The following CNTNAP2 variants were observed in gnomAD, a reference collection of about 807,000 sequenced individuals.
CNTNAP2 encodes contactin-associated protein-like 2.
In CNTNAP2, 98 loss-of-function variants were observed where a neutral mutation model predicts 155.2. The observed-to-expected ratio is 0.63, with a 90% CI of 0.54 to 0.75. The LOEUF (loss-of-function observed/expected upper bound fraction) is 0.75, where lower values mean the gene tolerates loss of function less well. Among genes scored for constraint, CNTNAP2 ranks in the 30% least tolerant of loss-of-function variants. The pLI is 0.00. For synonymous variants in CNTNAP2, 651 were observed against 631.2 expected (o/e 1.03, Z -0.47); for missense variants, 1,727 against 1,688.1 (o/e 1.02, Z -0.40).
At chr7:147,294,237 T>G (rs780246866) in intron 8 of CNTNAP2, among the ~76,000 whole-genome samples, 2 of 152,240 alleles carry the variant, frequency 1.3e-5, no homozygotes, top group Non-Finnish European at 2.9e-5. Flanking sequence ...TGTCAAGGCC[T>G]AAGTGAAGAT....
At chr7:147,404,976 T>C (rs1796981437) in intron 10 of CNTNAP2, among the ~76,000 whole-genome samples, 1 of 152,198 alleles carries the variant, frequency 6.6e-6, no homozygotes, top group African/African-American at 2.4e-5. Flanking sequence ...AGAAAAAAGT[T>C]GAATTAGCCA....
chr7:147,734,626 G>T (rs932608702), intron 13 of CNTNAP2, among the ~76,000 whole-genome samples: 1 of 152,174 alleles, frequency 6.6e-6, no homozygotes, highest in Non-Finnish European at 1.5e-5. Flanking sequence ...GTAGAATTTG[G>T]CTGTGAATCT....
intron 1 of CNTNAP2, among the ~76,000 whole-genome samples, chr7:146,746,504 G>C (rs981347954): frequency 1.3e-5 from 2 of 152,016 alleles, no homozygotes; most frequent in African/African-American, 4.8e-5. Flanking sequence ...AGTCTCACAA[G>C]ATTATATTAT....
At chr7:146,723,026 C>G (rs1801366005) in intron 1 of CNTNAP2, among the ~76,000 whole-genome samples, 1 of 151,924 alleles carries the variant, frequency 6.6e-6, no homozygotes, top group Admixed American at 6.6e-5. Context: ...AAAAAATTTT[C>G]TTAATAAACA....
intron 14 of CNTNAP2, among the ~76,000 whole-genome samples, chr7:147,914,199 T>C (rs1022868320): frequency 2.0e-5 from 3 of 151,986 alleles, no homozygotes; most frequent in African/African-American, 4.8e-5. Context: ...AAAAAGCAAG[T>C]TGACAAATAG....
At chr7:147,141,153 T>C (rs1584751403) in intron 8 of CNTNAP2, among the ~76,000 whole-genome samples, 1 of 152,178 alleles carries the variant, frequency 6.6e-6, no homozygotes, top group South Asian at 2.1e-4. Flanking sequence ...GTCATTCTTC[T>C]GGTGACACGA....
chr7:146,453,612 G>A (rs781157513), intron 1 of CNTNAP2, among the ~76,000 whole-genome samples: 5 of 152,070 alleles, frequency 3.3e-5, no homozygotes, highest in Non-Finnish European at 7.4e-5. Flanking sequence ...AATCAATACT[G>A]ACCAAGAAAT....
At chr7:147,919,988 C>T (rs149281293) in intron 14 of CNTNAP2, among the ~76,000 whole-genome samples, 2 of 152,104 alleles carry the variant, frequency 1.3e-5, no homozygotes, top group African/African-American at 4.8e-5. Context: ...AAAAAGACCC[C>T]GTAAAGCTTT....
chr7:146,781,729 G>A (rs981506000), intron 2 of CNTNAP2, among the ~76,000 whole-genome samples: 2 of 152,022 alleles, frequency 1.3e-5, no homozygotes, highest in African/African-American at 4.8e-5. Context: ...CAATTCTCTT[G>A]TCTCTGAGTT....
intron 22 of CNTNAP2, among the ~76,000 whole-genome samples, chr7:148,400,717 C>A (rs921187628): frequency 6.6e-6 from 1 of 152,190 alleles, no homozygotes; most frequent in South Asian, 2.1e-4. Flanking sequence ...CACAGTGGCT[C>A]ACGCCTGTAA....
At chr7:147,697,281 C>CT (rs965254613) in intron 13 of CNTNAP2, among the ~76,000 whole-genome samples, 10 of 152,028 alleles carry the variant, frequency 6.6e-5, no homozygotes, top group Non-Finnish European at 8.8e-5. Context: ...TCTGACATGT[C>CT]TTTTTTTTCC....
In CNTNAP2 at chr7:147,869,092, C is replaced by T. The variant is rs373204715; in HGVS notation, c.2099-34473C>T. On this transcript the variant is annotated intron_variant, in intron 13 of 23. Transcript: ENST00000361727. Reference sequence around the variant, plus strand: ...GCTGCGGACCAGAACTGTTCCTCTTCGGCCGTCTTGGAATGGAGCTCTATC... The same window carrying T: ...GCTGCGGACCAGAACTGTTCCTCTTTGGCCGTCTTGGAATGGAGCTCTATC... 1.3e-3 allele frequency among the ~76,000 whole-genome samples: 191 copies of T among 152,316 alleles called. 3 individuals are homozygous for T. Among genetic ancestry groups the T allele is most frequent in the African/African-American group, 3.9e-3 (164 of 41,566 alleles).
rs796668202 is a variant in CNTNAP2 at position 147,940,235 on chromosome 7, G to T, written c.2255+36514G>T. On this transcript the variant is annotated intron_variant, in intron 14 of 23. Coordinates refer to ENST00000361727, the MANE Select transcript of CNTNAP2 (RefSeq NM_014141.6). ...CAGGTCAAAATTTCCATTCTGATCG[G>T]CAGTGGGTTCCACCTGTGAATAGCC... 1.2e-4 allele frequency: 18 copies of T among 146,596 alleles called. 1 individual carries two copies. The highest frequency in any genetic ancestry group is 4.2e-4 in the African/African-American group (17 of 40,136). 9.1% of individuals were successfully genotyped at this position (146,596 alleles called of 1,614,324 possible). A position where few individuals can be genotyped will look rare whatever the true frequency, so the allele number is the denominator to read the frequency against.
intron 13 of CNTNAP2, among the ~76,000 whole-genome samples, chr7:147,712,657 C>T (rs1402701559): frequency 6.6e-6 from 1 of 152,134 alleles, no homozygotes; most frequent in Non-Finnish European, 1.5e-5. Context: ...AAAAACCAAA[C>T]ACCGCATGTT....
At chr7:146,460,561 G>A (rs1796621511) in intron 1 of CNTNAP2, among the ~76,000 whole-genome samples, 1 of 152,094 alleles carries the variant, frequency 6.6e-6, no homozygotes, top group Non-Finnish European at 1.5e-5. Context: ...TAAATAAATT[G>A]TATGATATAT....
At chr7:147,614,873 C>T (rs1024585686) in intron 12 of CNTNAP2, among the ~76,000 whole-genome samples, 16 of 151,590 alleles carry the variant, frequency 1.1e-4, no homozygotes, top group Non-Finnish European at 2.1e-4. Context: ...TCTTAATGTA[C>T]TATGTTGCAT....
At chr7:147,337,920 C>T (rs1007973588) in intron 9 of CNTNAP2, among the ~76,000 whole-genome samples, 4 of 152,136 alleles carry the variant, frequency 2.6e-5, no homozygotes, top group African/African-American at 9.7e-5. Flanking sequence ...TTTAAATCTG[C>T]ATGTCAAGAG....
intron 1 of CNTNAP2, among the ~76,000 whole-genome samples, chr7:146,612,115 G>A (rs185902656): frequency 3.3e-5 from 5 of 152,196 alleles, no homozygotes; most frequent in East Asian, 1.9e-4. Context: ...TAATAGTGTC[G>A]TGAGGATTAA....
intron 6 of CNTNAP2, among the ~76,000 whole-genome samples, chr7:147,128,102 C>T: frequency 6.6e-6 from 1 of 152,122 alleles, no homozygotes; most frequent in Non-Finnish European, 1.5e-5. Flanking sequence ...CTACACAGCT[C>T]AACTTTGAGT....
Sources: gnomAD v4.1 joint callset for allele counts (sites outside exome capture counted in the v4.1 genomes callset) on GRCh38, gnomAD v4.1.1 for gene constraint, MANE v1.5 for transcripts, NCBI Gene and HGNC (gene_info 2026-07-23, HGNC 2026-07-21) for gene names.